Variants in NAV2 observed in about 807,000 individuals in gnomAD.
The protein encoded by NAV2 is helicase, APC down-regulated 1.
Under a neutral mutation model 223.2 loss-of-function variants are expected in NAV2, and 54 were observed. That is an observed-to-expected ratio of 0.24 (90% CI 0.19 to 0.30). NAV2 has a LOEUF of 0.30. Among genes scored for constraint, NAV2 ranks in the 10% least tolerant of loss-of-function variants. NAV2 has a pLI of 1.00. For missense variants in NAV2, 2,806 were observed against 3,147.5 expected (o/e 0.89, Z 2.60); for synonymous variants, 1,279 against 1,239.3 (o/e 1.03, Z -0.67).
intron 35 of NAV2, among the ~76,000 whole-genome samples, chr11:20,106,205 A>G (rs1169070467): frequency 0.025 from 1,103 of 43,654 alleles, 227 homozygotes; most frequent in South Asian, 0.068. Context: ...ATATATATAT[A>G]TATATATATA....
intron 19 of NAV2, among the ~76,000 whole-genome samples, chr11:20,057,300 A>T (rs1044493486): frequency 2.0e-5 from 3 of 152,170 alleles, no homozygotes; most frequent in African/African-American, 7.2e-5. Flanking sequence ...TAAAGAATGT[A>T]TTTACAGAGC....
intron 11 of NAV2, among the ~76,000 whole-genome samples, chr11:20,012,116 T>G (rs1319361114): frequency 6.6e-6 from 1 of 152,220 alleles, no homozygotes; most frequent in Non-Finnish European, 1.5e-5. Context: ...GTATGGTGTT[T>G]GGAAGAAAGT....
chr11:19,850,665 T>C (rs1180330065), intron 3 of NAV2, among the ~76,000 whole-genome samples: 1 of 152,214 alleles, frequency 6.6e-6, no homozygotes, highest in African/African-American at 2.4e-5. Flanking sequence ...AGGACCCAAA[T>C]AGAACATTGT....
At position 20,118,762 on chromosome 11, in the gene NAV2, C is replaced by T; in HGVS notation, c.*504C>T. 5.8e-6 allele frequency: 1 copy of T among 173,444 alleles called. No homozygotes were observed. The highest frequency in any genetic ancestry group is 1.2e-5 in the Non-Finnish European group (1 of 81,824). The allele number at this position is 173,444 out of a possible 1,614,324, so 10.7% of individuals were successfully genotyped here. ...CCGTGCCACCCACCCTCCCACACAG[C>T]CGGCCACAGGGAGAACTGGTGCTAA... is the stretch of plus-strand genomic sequence containing the variant. On this transcript the variant is annotated 3_prime_UTR_variant, in exon 38 of 38. Transcript: ENST00000349880.
intron 6 of NAV2, among the ~76,000 whole-genome samples, chr11:19,895,729 T>A (rs937397239): frequency 2.6e-5 from 4 of 152,192 alleles, no homozygotes; most frequent in Non-Finnish European, 4.4e-5. Context: ...GGTTTTTTTT[T>A]ATACTAACTT....
intron 1 of NAV2, among the ~76,000 whole-genome samples, chr11:19,701,098 A>G (rs1182474122): frequency 1.3e-5 from 2 of 152,220 alleles, no homozygotes; most frequent in African/African-American, 2.4e-5. Context: ...TCAGTCAATA[A>G]GAAATGAAGC....
chr11:19,988,989 C>T (rs112163850), intron 11 of NAV2, among the ~76,000 whole-genome samples: 10 of 152,272 alleles, frequency 6.6e-5, no homozygotes, highest in African/African-American at 2.4e-4. Context: ...TGGTAGGTCC[C>T]CAACAAGCCA....
chr11:19,932,280 A>G (rs545762530), intron 6 of NAV2, among the ~76,000 whole-genome samples: 1 of 151,996 alleles, frequency 6.6e-6, no homozygotes, highest in African/African-American at 2.4e-5. Context: ...GGAAAAAAAA[A>G]AAGCTGTTTT....
intron 11 of NAV2, among the ~76,000 whole-genome samples, chr11:19,996,100 A>G (rs1336255706): frequency 6.6e-6 from 1 of 152,210 alleles, no homozygotes; most frequent in Non-Finnish European, 1.5e-5. Context: ...ACAAATAAGG[A>G]AAATAAGGCT....
intron 1 of NAV2, among the ~76,000 whole-genome samples, chr11:19,753,755 T>C (rs1013664681): frequency 6.6e-6 from 1 of 152,230 alleles, no homozygotes; most frequent in African/African-American, 2.4e-5. Context: ...TTCTGCCCTC[T>C]CCACTAATAG....
At position 20,085,828 on chromosome 11, in the gene NAV2, C is replaced by G. The variant is rs1035884817; in HGVS notation, c.5498+2649C>G. 5.3e-5 allele frequency among the ~76,000 whole-genome samples: 8 copies of G among 152,308 alleles called. No homozygotes were observed. In the South Asian group the frequency reaches 6.2e-4, roughly 12 times the overall value. ...GAACCTGCAGGAGGGTTTTAAGGACCAGGCCTAGAAGAGGCTTATGTCGCC... is the reference window on the plus strand; with the variant it reads ...GAACCTGCAGGAGGGTTTTAAGGACGAGGCCTAGAAGAGGCTTATGTCGCC... On this transcript the variant is annotated intron_variant, in intron 26 of 37. Coordinates refer to ENST00000349880, the MANE Select transcript of NAV2 (RefSeq NM_145117.5).
intron 1 of NAV2, among the ~76,000 whole-genome samples, chr11:19,567,421 T>G (rs569555956): frequency 1.3e-5 from 2 of 152,374 alleles, no homozygotes; most frequent in African/African-American, 4.8e-5. Flanking sequence ...GAAGTCATCT[T>G]GCAGATTTAT....
At chr11:19,777,880 C>G (rs762745520) in intron 1 of NAV2, 48 of 455,836 alleles carry the variant, frequency 1.1e-4, no homozygotes, top group Non-Finnish European at 1.1e-4. Flanking sequence ...ACAGCGTGGT[C>G]CGCGTCCCCC....
At chr11:19,934,320 A>G (rs774223911) in intron 7 of NAV2, 43 bp downstream of exon 7, 7 of 1,518,148 alleles carry the variant, frequency 4.6e-6, no homozygotes, top group Non-Finnish European at 5.3e-6. Context: ...ACATTGGGTA[A>G]AAGTTCCTTT....
intron 1 of NAV2, among the ~76,000 whole-genome samples, chr11:19,548,190 A>G (rs1172034428): frequency 6.6e-6 from 1 of 152,220 alleles, no homozygotes; most frequent in African/African-American, 2.4e-5. Context: ...CAGTTCACAG[A>G]CAAACATAAA....
intron 11 of NAV2, among the ~76,000 whole-genome samples, chr11:20,035,571 G>A (rs892029203): frequency 5.9e-5 from 9 of 152,136 alleles, no homozygotes; most frequent in African/African-American, 1.9e-4. Context: ...TGCCTGCTGC[G>A]GAGTCCTTCC....
At chr11:19,365,576 A>G (rs1016947655) in intron 1 of NAV2, among the ~76,000 whole-genome samples, 6 of 152,342 alleles carry the variant, frequency 3.9e-5, no homozygotes, top group South Asian at 2.1e-4. Context: ...GGAAATATTC[A>G]GTAAGTGCTG....
At chr11:20,002,449 G>A (rs73434177) in intron 11 of NAV2, among the ~76,000 whole-genome samples, 7,805 of 152,220 alleles carry the variant, frequency 0.051, 237 homozygotes, top group South Asian at 0.12. Flanking sequence ...ATGTCAGTGC[G>A]TTCAGATTCA....
intron 1 of NAV2, among the ~76,000 whole-genome samples, chr11:19,660,227 G>T (rs1304160146): frequency 2.0e-5 from 3 of 152,144 alleles, no homozygotes; most frequent in Non-Finnish European, 4.4e-5. Context: ...AAGGAAACAG[G>T]CTTGCTTTAT....
Sources: gnomAD v4.1 joint callset for allele counts (sites outside exome capture counted in the v4.1 genomes callset) on GRCh38, gnomAD v4.1.1 for gene constraint, MANE v1.5 for transcripts, NCBI Gene and HGNC (gene_info 2026-07-23, HGNC 2026-07-21) for gene names.